Variants in NDRG3 observed in about 807,000 individuals in gnomAD.
The protein encoded by NDRG3 is NDRG family member 3.
In NDRG3, 23 loss-of-function variants were observed where a neutral mutation model predicts 57.2. The ratio of observed to expected loss-of-function variants is 0.40; its 90% CI spans 0.29 to 0.57. The LOEUF is 0.57. NDRG3 is among the 20% of genes least tolerant of loss of function. The pLI, the probability that NDRG3 is intolerant of heterozygous loss-of-function variation, is 0.42. For synonymous variants in NDRG3, 132 were observed against 162.6 expected (o/e 0.81, Z 1.43); for missense variants, 384 against 457.3 (o/e 0.84, Z 1.46).
intron 1 of NDRG3, among the ~76,000 whole-genome samples, chr20:36,743,577 G>A (rs1986024903): frequency 6.6e-6 from 1 of 151,954 alleles, no homozygotes; most frequent in African/African-American, 2.4e-5. Context: ...CACTATGGGA[G>A]GCCGAGGCAG....
chr20:36,677,129 G>A (rs1231202612), intron 8 of NDRG3, among the ~76,000 whole-genome samples: 3 of 152,182 alleles, frequency 2.0e-5, no homozygotes, highest in African/African-American at 7.2e-5. Context: ...AGCGGGAGCC[G>A]GGCCCCTTCC....
At chr20:36,716,802 G>T (rs1984306546) in intron 2 of NDRG3, among the ~76,000 whole-genome samples, 1 of 152,064 alleles carries the variant, frequency 6.6e-6, no homozygotes. Context: ...AGGTCTTTTG[G>T]GTGAGGAGCC....
At chr20:36,696,493 TTTC>T (rs1982797971) in intron 3 of NDRG3, among the ~76,000 whole-genome samples, 1 of 151,866 alleles carries the variant, frequency 6.6e-6, no homozygotes, top group South Asian at 2.1e-4. Context: ...TGGCTTTTTC[TTTC>T]TTTTTTTTCT....
rs865961647 is a variant in NDRG3, at chr20:36,693,113, T to A, written c.94-4329A>T. ...AAAAAAAAAAAAAAAAAAATATATA[T>A]ATATATATATATATATATATATATA... On this transcript the variant is annotated intron_variant, in intron 3 of 15. Transcript: ENST00000349004. Among the ~76,000 whole-genome samples, 214 of 35,008 alleles carry A rather than the reference T, an allele frequency of 6.1e-3. 1 individual carries two copies. Among genetic ancestry groups the A allele is most frequent in the Admixed American group, 0.01 (20 of 1,998 alleles). 23.0% of individuals were successfully genotyped at this position (35,008 alleles called of 152,430 possible). A position where few individuals can be genotyped will look rare whatever the true frequency, so the allele number is the denominator to read the frequency against.
intron 15 of NDRG3, among the ~76,000 whole-genome samples, chr20:36,655,196 C>T (rs1443470303): frequency 6.6e-6 from 1 of 152,144 alleles, no homozygotes; most frequent in African/African-American, 2.4e-5. Flanking sequence ...CGGTTGGTAG[C>T]GGCTCACAGG....
chr20:36,691,233 ATCAGTATATC>A lies in NDRG3; in HGVS notation c.94-2459_94-2450del, dbSNP rs1982241174. ...GAAGACAATCTTAAGCTAATTGGAC[ATCAGTATATC>A]TCAAATTACAGGCCCTAGGCTGGAG... On this transcript the variant is annotated intron_variant, in intron 3 of 15. Coordinates refer to ENST00000349004, the MANE Select transcript of NDRG3 (RefSeq NM_032013.4). Among the ~76,000 whole-genome samples the A allele has an allele frequency of 1.3e-5, 2 of 152,242 alleles. 1 individual carries two copies. Among genetic ancestry groups the A allele is most frequent in the South Asian group, 4.1e-4 (2 of 4,834 alleles).
chr20:36,744,166 T>G (rs1173361562), intron 1 of NDRG3, among the ~76,000 whole-genome samples: 3 of 152,110 alleles, frequency 2.0e-5, no homozygotes, highest in Non-Finnish European at 1.5e-5. Flanking sequence ...CCTCCCAAAG[T>G]GCTGGGATTA....
At chr20:36,668,306 T>C (rs1034688147) in intron 9 of NDRG3, among the ~76,000 whole-genome samples, 38 of 152,314 alleles carry the variant, frequency 2.5e-4, no homozygotes, top group African/African-American at 8.7e-4. Flanking sequence ...CTCTAGATAT[T>C]GTTCTACACT....
chr20:36,724,082 G>A (rs1038762603), intron 1 of NDRG3, among the ~76,000 whole-genome samples: 1 of 152,134 alleles, frequency 6.6e-6, no homozygotes, highest in African/African-American at 2.4e-5. Context: ...AATTACCTAT[G>A]GAGAGGGTAT....
In NDRG3 at chr20:36,666,034, G is replaced by A. The variant is rs116591952; in HGVS notation, c.692+255C>T. Among the ~76,000 whole-genome samples the A allele has an allele frequency of 5.5e-3, 840 of 152,290 alleles. 3 individuals carry two copies. Among genetic ancestry groups the A allele is most frequent in the African/African-American group, 0.019 (785 of 41,556 alleles). On this transcript the variant is annotated intron_variant, in intron 10 of 15. Coordinates refer to ENST00000349004, the MANE Select transcript of NDRG3 (RefSeq NM_032013.4). ...TTTCAACTAAAAATAGGGAGGCTCT[G>A]TTATACAGAGGAAAGAGCTAAAGAG... is the stretch of plus-strand genomic sequence containing the variant.
chr20:36,662,840 G>A (rs1325393582), intron 12 of NDRG3, among the ~76,000 whole-genome samples: 1 of 152,124 alleles, frequency 6.6e-6, no homozygotes, highest in Non-Finnish European at 1.5e-5. Context: ...ATCAGAAAGA[G>A]GGAGAGGCCT....
Position 36,653,721 on chromosome 20 carries a change from G to A in NDRG3, c.947-20C>T. The A allele has an allele frequency of 1.2e-6, 2 of 1,604,156 alleles. No individual in the cohort carries two copies. Among genetic ancestry groups the A allele is most frequent in the African/African-American group, 2.7e-5 (2 of 74,894 alleles). ...ATGGTACTGTAACAGAGAACCAAGG[G>A]GACTAGAAGATGAAGCCCCGGTTAA... On this transcript the variant is annotated intron_variant, in intron 15 of 15. Coordinates refer to ENST00000349004, the MANE Select transcript of NDRG3 (RefSeq NM_032013.4). This position sits in a 1 kb window ranked among gnomAD's most constrained non-coding sequence, Gnocchi z 4.2.
intron 3 of NDRG3, chr20:36,700,717 A>G (rs753365660): frequency 3.8e-4 from 89 of 231,416 alleles, no homozygotes; most frequent in Admixed American, 7.0e-4. Flanking sequence ...AGCATCTGAT[A>G]GGCTCTGGTC....
intron 1 of NDRG3, among the ~76,000 whole-genome samples, chr20:36,735,389 A>C (rs1985551059): frequency 6.6e-6 from 1 of 152,172 alleles, no homozygotes; most frequent in South Asian, 2.1e-4. Context: ...AAAAAATCCA[A>C]AACCTGAAAC....
intron 1 of NDRG3, among the ~76,000 whole-genome samples, chr20:36,725,627 A>AT (rs1984886504): frequency 6.6e-6 from 1 of 151,728 alleles, no homozygotes; most frequent in African/African-American, 2.4e-5. Context: ...AAGAAAAAAA[A>AT]GAAAATACAG....
intron 3 of NDRG3, among the ~76,000 whole-genome samples, chr20:36,695,586 A>C (rs1451294349): frequency 2.0e-5 from 3 of 152,164 alleles, no homozygotes. Context: ...GTAGATAGGG[A>C]TGAAACACGT....
chr20:36,679,652 C>T (rs1981073060), intron 8 of NDRG3, among the ~76,000 whole-genome samples: 1 of 151,386 alleles, frequency 6.6e-6, no homozygotes, highest in South Asian at 2.1e-4. Context: ...TACAGGCACC[C>T]ACCACCACGC....
intron 1 of NDRG3, among the ~76,000 whole-genome samples, chr20:36,744,284 T>C (rs1444864776): frequency 6.6e-6 from 1 of 151,824 alleles, no homozygotes; most frequent in Non-Finnish European, 1.5e-5. Context: ...GAGTGGTAAA[T>C]GGTGATGACA....
At chr20:36,696,191 A>C (rs919834846) in intron 3 of NDRG3, among the ~76,000 whole-genome samples, 1 of 151,916 alleles carries the variant, frequency 6.6e-6, no homozygotes, top group Non-Finnish European at 1.5e-5. Context: ...CTGCCTCCCC[A>C]GTTCAAGTGA....
Sources: gnomAD v4.1 joint callset for allele counts (sites outside exome capture counted in the v4.1 genomes callset) on GRCh38, gnomAD v4.1.1 for gene constraint, Gnocchi (gnomAD v3.1) non-coding constraint, MANE v1.5 for transcripts, NCBI Gene and HGNC (gene_info 2026-07-23, HGNC 2026-07-21) for gene names.